The following TTC28 variants were observed in gnomAD, a reference collection of about 807,000 sequenced individuals.
TTC28 encodes the protein tetratricopeptide repeat protein 28.
TTC28 carries 61 observed loss-of-function variants against 198.0 expected under a neutral mutation model. That is an observed-to-expected ratio of 0.31 (90% CI 0.25 to 0.38). The LOEUF is 0.38. Among genes scored for constraint, TTC28 ranks in the 10% least tolerant of loss-of-function variants. The probability of loss-of-function intolerance (pLI) is 1.00; values close to 1 mark genes in which losing one functional copy is unlikely to be tolerated. For synonymous variants in TTC28, 1,171 were observed against 1,297.8 expected (o/e 0.90, Z 2.10); for missense variants, 2,678 against 3,164.0 (o/e 0.85, Z 3.69).
rs145578279 is a variant in TTC28 at position 28,362,323 on chromosome 22, C to T, written c.382-55680G>A. Among the ~76,000 whole-genome samples the T allele has an allele frequency of 6.6e-5, 10 of 152,242 alleles. 1 individual carries two copies. Among genetic ancestry groups the T allele is most frequent in the South Asian group, 4.1e-4 (2 of 4,820 alleles). ...TTCTCTCTCTTTGCCTGCTGTCATC[C>T]GTGTAAGATGTGACTTGCTCCTCCT... On this transcript the variant is annotated intron_variant, in intron 2 of 22. Coordinates refer to ENST00000397906, the MANE Select transcript of TTC28 (RefSeq NM_001145418.2).
chr22:28,089,199 A>G (rs1473030432), intron 12 of TTC28, among the ~76,000 whole-genome samples: 2 of 152,184 alleles, frequency 1.3e-5, no homozygotes, highest in Non-Finnish European at 2.9e-5. Context: ...ATGCTGCTAT[A>G]AAGACACATG....
At chr22:28,043,778 C>T (rs1939758734) in intron 12 of TTC28, among the ~76,000 whole-genome samples, 1 of 152,116 alleles carries the variant, frequency 6.6e-6, no homozygotes, top group Non-Finnish European at 1.5e-5. Flanking sequence ...CCTCAGGGAC[C>T]TGTGTGTCCT....
chr22:28,319,348 C>T (rs1388316428), intron 2 of TTC28, among the ~76,000 whole-genome samples: 1 of 152,174 alleles, frequency 6.6e-6, no homozygotes, highest in Non-Finnish European at 1.5e-5. Flanking sequence ...ATTTCTTGAA[C>T]TTTGCTTTCC....
intron 2 of TTC28, among the ~76,000 whole-genome samples, chr22:28,308,130 C>T (rs1304501991): frequency 6.6e-6 from 1 of 152,114 alleles, no homozygotes; most frequent in Non-Finnish European, 1.5e-5. Flanking sequence ...AAAACTCAGA[C>T]CCCAGTAAGA....
At chr22:28,101,063 G>T in intron 9 of TTC28, 108 bp downstream of exon 9, 1 of 753,956 alleles carries the variant, frequency 1.3e-6, no homozygotes, top group South Asian at 2.1e-5. Flanking sequence ...TAGCCCAAGG[G>T]TAGAAGTCAG....
At chr22:28,544,272 A>C (rs1162731449) in intron 2 of TTC28, among the ~76,000 whole-genome samples, 1 of 152,168 alleles carries the variant, frequency 6.6e-6, no homozygotes, top group Non-Finnish European at 1.5e-5. Flanking sequence ...CATTCCTAGA[A>C]TATTTCCCAC....
chr22:28,001,521 C>T lies in TTC28; in HGVS notation c.4251G>A (p.Arg1417=). The change falls in exon 15 of 23, where the codon CGG becomes CGA. Residue 1417 remains arginine (R), a synonymous_variant. Transcript: ENST00000397906. ...GLMHSSGPVG[R]HRQLILVLEG... ...CCAGAACCAGGATGAGCTGCCGGTG[C>T]CGGCCCACGGGGCCGCTGGAGTGCA... 6.4e-7 allele frequency: 1 copy of T among 1,551,274 alleles called. No individual in the cohort carries two copies. The highest frequency in any genetic ancestry group is 8.7e-7 in the Non-Finnish European group (1 of 1,146,906).
intron 6 of TTC28, among the ~76,000 whole-genome samples, chr22:28,148,869 T>C (rs1032582438): frequency 6.6e-6 from 1 of 152,214 alleles, no homozygotes; most frequent in East Asian, 1.9e-4. Flanking sequence ...TAGATGAACA[T>C]AGTAAATATG....
intron 5 of TTC28, among the ~76,000 whole-genome samples, chr22:28,252,925 T>TCTC (rs1346472027): frequency 6.6e-6 from 1 of 152,210 alleles, no homozygotes; most frequent in African/African-American, 2.4e-5. Flanking sequence ...AATACTGAGA[T>TCTC]GGGATTTAAG....
intron 20 of TTC28, 72 bp downstream of exon 20, chr22:27,990,717 C>T: frequency 6.8e-7 from 1 of 1,468,962 alleles, no homozygotes; most frequent in Non-Finnish European, 9.2e-7. Flanking sequence ...TCAGAGCCTG[C>T]CCAGGGGAAC....
intron 2 of TTC28, among the ~76,000 whole-genome samples, chr22:28,534,417 G>A (rs2049217784): frequency 6.6e-6 from 1 of 152,160 alleles, no homozygotes; most frequent in African/African-American, 2.4e-5. Context: ...GAAACAACAG[G>A]TGCTGGACAG....
At chr22:28,517,415 G>C (rs1357572359) in intron 2 of TTC28, among the ~76,000 whole-genome samples, 4 of 152,092 alleles carry the variant, frequency 2.6e-5, no homozygotes, top group Non-Finnish European at 4.4e-5. Context: ...AGGCTACACA[G>C]AGCATCATTA....
At chr22:28,620,657 G>C (rs2050980008) in intron 2 of TTC28, among the ~76,000 whole-genome samples, 1 of 152,224 alleles carries the variant, frequency 6.6e-6, no homozygotes, top group African/African-American at 2.4e-5. Flanking sequence ...AAGTGGTCCA[G>C]TCAAAGCAAA....
At chr22:28,648,221 CAAAAAAAA>C (rs34510876) in intron 1 of TTC28, among the ~76,000 whole-genome samples, 6 of 62,472 alleles carry the variant, frequency 9.6e-5, no homozygotes, top group Admixed American at 3.7e-4. Flanking sequence ...GAGACTCTGT[CAAAAAAAA>C]AAAAAAAAAA....
chr22:28,206,261 T>G (rs1926396493), intron 5 of TTC28, among the ~76,000 whole-genome samples: 1 of 152,032 alleles, frequency 6.6e-6, no homozygotes, highest in African/African-American at 2.4e-5. Flanking sequence ...CTTAAGAAGG[T>G]TGTGGTTAAC....
At chr22:28,189,655 T>C (rs2147123177) in intron 5 of TTC28, among the ~76,000 whole-genome samples, 1 of 152,100 alleles carries the variant, frequency 6.6e-6, no homozygotes, top group South Asian at 2.1e-4. Flanking sequence ...TGGTAGAATT[T>C]GGCTTCTCAA....
intron 5 of TTC28, among the ~76,000 whole-genome samples, chr22:28,185,654 A>T (rs1039020261): frequency 6.6e-6 from 1 of 152,190 alleles, no homozygotes; most frequent in African/African-American, 2.4e-5. Flanking sequence ...TAACTACAGT[A>T]TGTTTACTTA....
intron 2 of TTC28, among the ~76,000 whole-genome samples, chr22:28,365,093 AC>A (rs2046226793): frequency 6.6e-6 from 1 of 152,154 alleles, no homozygotes; most frequent in South Asian, 2.1e-4. Flanking sequence ...TTCTACAGCC[AC>A]CCCAACCTTC....
intron 2 of TTC28, among the ~76,000 whole-genome samples, chr22:28,461,356 A>G (rs1008818530): frequency 6.6e-6 from 1 of 152,170 alleles, no homozygotes; most frequent in African/African-American, 2.4e-5. Context: ...ATTAGACCGT[A>G]TGGTCTTGTA....
Sources: gnomAD v4.1 joint callset for allele counts (sites outside exome capture counted in the v4.1 genomes callset) on GRCh38, gnomAD v4.1.1 for gene constraint, MANE v1.5 for transcripts, NCBI Gene and HGNC (gene_info 2026-07-23, HGNC 2026-07-21) for gene names.